Variants in TRPM6 observed in about 807,000 individuals in gnomAD.
TRPM6 encodes transient receptor potential cation channel subfamily M member 6, also known as channel kinase 2.
A neutral mutation model predicts 247.6 loss-of-function variants in TRPM6; 111 were observed. The ratio of observed to expected loss-of-function variants is 0.45; its 90% CI spans 0.38 to 0.52. TRPM6 has a LOEUF of 0.52. TRPM6 is among the 20% of genes least tolerant of loss of function. The pLI is 0.00. For synonymous variants in TRPM6, 892 were observed against 853.8 expected (o/e 1.04, Z -0.78); for missense variants, 2,126 against 2,421.5 (o/e 0.88, Z 2.56).
chr9:74,887,896 C>CT lies in TRPM6; in HGVS notation c.-41dup. The CT allele has an allele frequency of 6.2e-7, 1 of 1,613,720 alleles. No individual in the cohort carries two copies. The highest frequency in any genetic ancestry group is 2.2e-5 in the East Asian group (1 of 44,874). On this transcript the variant is annotated 5_prime_UTR_variant, in exon 1 of 39. Transcript: ENST00000360774. Reference sequence around the variant, plus strand: ...CCCTGCTCCCAAAGCCCTGTCTGAGCTTTTAACTGTGGAGGCAGAAACTCT... The same window carrying CT: ...CCCTGCTCCCAAAGCCCTGTCTGAGCTTTTTAACTGTGGAGGCAGAAACTCT...
At chr9:74,746,066 C>T (rs1326528548) in intron 31 of TRPM6, among the ~76,000 whole-genome samples, 1 of 152,004 alleles carries the variant, frequency 6.6e-6, no homozygotes, top group Non-Finnish European at 1.5e-5. Context: ...CACGGTGAAA[C>T]CCCATCTCCA....
At chr9:74,836,296 T>G (rs1829718702) in intron 5 of TRPM6, among the ~76,000 whole-genome samples, 1 of 152,220 alleles carries the variant, frequency 6.6e-6, no homozygotes, top group South Asian at 2.1e-4. Context: ...ATTCTTCCTA[T>G]TCTTCCTATG....
At chr9:74,831,967 T>G (rs765674680) in intron 6 of TRPM6, among the ~76,000 whole-genome samples, 6 of 152,202 alleles carry the variant, frequency 3.9e-5, no homozygotes, top group Non-Finnish European at 8.8e-5. Flanking sequence ...ACATTATAAT[T>G]AAATGTCATC....
rs140236011 is a variant in TRPM6 at position 74,840,178 on chromosome 9, C to G, written c.390G>C (p.Glu130Asp). 6.2e-7 allele frequency: 1 copy of G among 1,614,192 alleles called. No individual in the cohort carries two copies. Among genetic ancestry groups the G allele is most frequent in the South Asian group, 1.1e-5 (1 of 91,084 alleles). Residue 130 changes from glutamate to aspartate, a missense_variant, in exon 5 of 39, where the codon GAG becomes GAC. By Grantham distance (45) the Glu-to-Asp change is conservative. Around this residue, in one of 3 missense-constraint regions of TRPM6, gnomAD observed 1,082 missense variants for 1,307.9 expected, o/e 0.83. Transcript: ENST00000360774. ...LDHLLHLMLK[E>D]WKMELPKLVI... Reference sequence around the variant, plus strand: ...CAAGCTTGGGCAGTTCCATTTTCCACTCTTTCAACATTAAATGTAACAGAT... The same window carrying G: ...CAAGCTTGGGCAGTTCCATTTTCCAGTCTTTCAACATTAAATGTAACAGAT...
chr9:74,811,599 A>T (rs1353788281), intron 12 of TRPM6, among the ~76,000 whole-genome samples: 1 of 152,228 alleles, frequency 6.6e-6, no homozygotes, highest in African/African-American at 2.4e-5. Context: ...TAACTCAATA[A>T]AAGGTAATTT....
At chr9:74,774,214 A>G (rs1223301442) in intron 24 of TRPM6, among the ~76,000 whole-genome samples, 7 of 152,204 alleles carry the variant, frequency 4.6e-5, no homozygotes, top group African/African-American at 1.7e-4. Context: ...TATATGAATC[A>G]TCCTATAAGC....
chr9:74,851,005 CATT>C (rs1174286422), intron 3 of TRPM6, among the ~76,000 whole-genome samples: 2 of 152,160 alleles, frequency 1.3e-5, no homozygotes, highest in Admixed American at 1.3e-4. Context: ...AGAGATAACT[CATT>C]ATGCTTTTAT....
chr9:74,785,152 C>T lies in TRPM6; in HGVS notation c.2919+722G>A, dbSNP rs187851047. 6.6e-5 allele frequency among the ~76,000 whole-genome samples: 10 copies of T among 152,116 alleles called. No homozygotes were observed. The East Asian group carries it at 1.2e-3, about 18-fold the overall frequency. On this transcript the variant is annotated intron_variant, in intron 21 of 38. Transcript: ENST00000360774. Reference sequence around the variant, plus strand: ...ATAATAATTTCGAAAGTTAAACTATCGGATATAAACGATGAAGAACCATTA... The same window carrying T: ...ATAATAATTTCGAAAGTTAAACTATTGGATATAAACGATGAAGAACCATTA...
chr9:74,882,844 C>A (rs1831405881), intron 1 of TRPM6, among the ~76,000 whole-genome samples: 1 of 152,128 alleles, frequency 6.6e-6, no homozygotes, highest in Admixed American at 6.6e-5. Context: ...GTGAGAATCT[C>A]TTTTTCCATT....
chr9:74,825,189 G>T (rs1264824766), intron 7 of TRPM6, among the ~76,000 whole-genome samples: 4 of 152,158 alleles, frequency 2.6e-5, no homozygotes, highest in Non-Finnish European at 4.4e-5. Flanking sequence ...TTGAACCAGG[G>T]AGGCAGAGGT....
At chr9:74,760,008 A>G (rs1826566765) in intron 27 of TRPM6, among the ~76,000 whole-genome samples, 1 of 152,248 alleles carries the variant, frequency 6.6e-6, no homozygotes, top group Admixed American at 6.5e-5. Context: ...ATTTCAGTCA[A>G]TGACAGACCA....
rs1825400883 is a variant in TRPM6 at position 74,728,271 on chromosome 9, C to A, written c.5903G>T (p.Cys1968Phe). The A allele has an allele frequency of 9.3e-6, 15 of 1,614,112 alleles. No homozygotes were observed. The highest frequency in any genetic ancestry group is 1.3e-5 in the Non-Finnish European group (15 of 1,180,006). Residue 1968 changes from cysteine (C) to phenylalanine (F), a missense_variant, in exon 38 of 39, where the codon TGT becomes TTT. By Grantham distance (205) the Cys-to-Phe change is radical. This residue lies in a region of TRPM6 where 327 missense variants were observed against 397.7 expected (regional missense o/e 0.82). Coordinates refer to ENST00000360774, the MANE Select transcript of TRPM6 (RefSeq NM_017662.5). ...AIRNFIAKHH[C>F]NSCCRKLKLP... ...TTTGAGCTTCCGGCAGCAGGAGTTA[C>A]AATGATGTTTTGCAATGAAGTTTCT...
chr9:74,784,801 C>T (rs1007013620), intron 21 of TRPM6, among the ~76,000 whole-genome samples: 5 of 152,126 alleles, frequency 3.3e-5, no homozygotes, highest in Admixed American at 6.5e-5. Flanking sequence ...TGATCTTGCT[C>T]GCTGTGCTTC....
At chr9:74,871,616 GA>G (rs1831034129) in intron 1 of TRPM6, among the ~76,000 whole-genome samples, 1 of 151,834 alleles carries the variant, frequency 6.6e-6, no homozygotes, top group African/African-American at 2.4e-5. Flanking sequence ...TAGATCTTCA[GA>G]ATATACACCT....
intron 15 of TRPM6, among the ~76,000 whole-genome samples, chr9:74,802,595 G>C (rs1315878328): frequency 6.6e-6 from 1 of 152,120 alleles, no homozygotes. Flanking sequence ...AGTTTCTCAA[G>C]GAAATGGGTC....
Position 74,773,897 on chromosome 9 carries a change from A to G in TRPM6, c.3403+1986T>C, listed in dbSNP as rs1238053500. Among the ~76,000 whole-genome samples, 3 of 152,178 alleles carry G rather than the reference A, an allele frequency of 2.0e-5. No individual in the cohort carries two copies. In the East Asian group the frequency reaches 5.8e-4, roughly 29 times the overall value. On this transcript the variant is annotated intron_variant, in intron 24 of 38. Coordinates refer to ENST00000360774, the MANE Select transcript of TRPM6 (RefSeq NM_017662.5). The stretch of plus-strand genomic sequence containing the variant: ...TTTTCAGACACTGAAAAGATTCGGT[A>G]TCTCCCACCCCCTACCCAACTCTAA...
chr9:74,798,557 A>G (rs564515395), intron 17 of TRPM6, among the ~76,000 whole-genome samples: 2 of 152,196 alleles, frequency 1.3e-5, no homozygotes, highest in Non-Finnish European at 2.9e-5. Context: ...ATAGTATTTG[A>G]CAACATCAGT....
chr9:74,800,089 A>G lies in TRPM6; in HGVS notation c.2238+165T>C. 3 of 675,946 alleles carry G rather than the reference A, an allele frequency of 4.4e-6. No individual in the cohort carries two copies. In the Admixed American group the frequency reaches 6.8e-5, roughly 15 times the overall value. 41.9% of individuals were successfully genotyped at this position (675,946 alleles called of 1,614,324 possible). A position where few individuals can be genotyped will look rare whatever the true frequency, so the allele number is the denominator to read the frequency against. ...ATAGAGGAAGACCAATCTTCTGTCAAGGGTATACGAGTAGCTGCAGTCCCC... is the reference window on the plus strand; with the variant it reads ...ATAGAGGAAGACCAATCTTCTGTCAGGGGTATACGAGTAGCTGCAGTCCCC... On this transcript the variant is annotated intron_variant, in intron 17 of 38. Coordinates refer to ENST00000360774, the MANE Select transcript of TRPM6 (RefSeq NM_017662.5).
rs752483740 is a variant in TRPM6 at position 74,755,470 on chromosome 9, T to C, written c.4789A>G (p.Ile1597Val). 11 of 1,614,108 alleles carry C rather than the reference T, an allele frequency of 6.8e-6. No homozygotes were observed. The highest frequency in any genetic ancestry group is 1.6e-4 in the Middle Eastern group (1 of 6,062). ...KNTQGLQVPI[I>V]TVNACSQSDQ... Reference sequence around the variant, plus strand: ...CTCTGAGAGCAGGCATTGACTGTTATGATCTGGAGAGAAAGACACTTGTTG... The same window carrying C: ...CTCTGAGAGCAGGCATTGACTGTTACGATCTGGAGAGAAAGACACTTGTTG... Residue 1597 changes from isoleucine to valine, a missense_variant, in exon 28 of 39, where the codon ATA becomes GTA. By Grantham distance (29) the Ile-to-Val change is conservative (BLOSUM62 3). Around this residue, in one of 3 missense-constraint regions of TRPM6, gnomAD observed 717 missense variants for 715.9 expected, o/e 1.00. Transcript: ENST00000360774.
Sources: allele counts gnomAD v4.1 joint callset (sites outside exome capture counted in the v4.1 genomes callset), GRCh38; gene constraint gnomAD v4.1.1; regional missense constraint gnomAD v4.1.1; transcripts MANE v1.5; gene names NCBI Gene and HGNC (gene_info 2026-07-23, HGNC 2026-07-21).